RNGTT: variants seen among roughly 807,000 people sequenced by gnomAD.
RNGTT encodes RNA guanylyltransferase and 5'-phosphatase, also known as mRNA-capping enzyme.
A neutral mutation model predicts 79.3 loss-of-function variants in RNGTT; 33 were observed. The ratio of observed to expected loss-of-function variants is 0.42; its 90% CI spans 0.32 to 0.56. The LOEUF is 0.56. RNGTT is among the 20% of genes least tolerant of loss of function. The pLI, the probability that RNGTT is intolerant of heterozygous loss-of-function variation, is 0.17. For missense variants in RNGTT, 497 were observed against 739.1 expected (o/e 0.67, Z 3.80); for synonymous variants, 222 against 235.9 (o/e 0.94, Z 0.54).
intron 2 of RNGTT, among the ~76,000 whole-genome samples, chr6:88,931,192 A>G (rs538663880): frequency 1.7e-3 from 253 of 150,282 alleles, no homozygotes; most frequent in African/African-American, 6.0e-3. Context: ...AGCTGTAAAA[A>G]AAAAAAAAAA....
At chr6:88,726,982 T>A (rs1286125741) in intron 13 of RNGTT, among the ~76,000 whole-genome samples, 2 of 144,570 alleles carry the variant, frequency 1.4e-5, no homozygotes, top group Non-Finnish European at 3.0e-5. Context: ...ATGATTATCA[T>A]CTCTGGGGAA....
At position 88,843,707 on chromosome 6, in the gene RNGTT, C is replaced by T. The variant is rs904475070; in HGVS notation, c.1269+650G>A. On this transcript the variant is annotated intron_variant, in intron 11 of 15. Transcript: ENST00000369485. The stretch of plus-strand genomic sequence containing the variant: ...CCGAGTAGCTGGGACTATAGACATG[C>T]GCCGCCACACCCGGCTAATTTTTGT... Among the ~76,000 whole-genome samples the T allele has an allele frequency of 6.1e-4, 92 of 150,802 alleles. 1 individual carries two copies. The highest frequency in any genetic ancestry group is 4.4e-3 in the South Asian group (21 of 4,772).
chr6:88,939,206 GTTC>G (rs1471873288), intron 2 of RNGTT, among the ~76,000 whole-genome samples: 1 of 152,062 alleles, frequency 6.6e-6, no homozygotes, highest in Non-Finnish European at 1.5e-5. Context: ...TAACCCTTTT[GTTC>G]TCTCTTCATC....
chr6:88,674,761 C>T (rs911118228), intron 14 of RNGTT, among the ~76,000 whole-genome samples: 1 of 151,580 alleles, frequency 6.6e-6, no homozygotes, highest in Non-Finnish European at 1.5e-5. Context: ...AAAAAAAAAT[C>T]AGAAAACTAT....
chr6:88,797,791 A>G (rs2180193), intron 12 of RNGTT, among the ~76,000 whole-genome samples: 19,497 of 151,984 alleles, frequency 0.13, 1,433 homozygotes, highest in Middle Eastern at 0.23. Context: ...ATTACAATAG[A>G]ATGACAGAAG....
chr6:88,878,905 G>A (rs559836324), intron 8 of RNGTT, among the ~76,000 whole-genome samples: 80 of 152,254 alleles, frequency 5.3e-4, no homozygotes, highest in Non-Finnish European at 9.0e-4. Context: ...AGAGACATCT[G>A]AAACCTCTTT....
At chr6:88,644,703 C>A (rs1773469423) in intron 14 of RNGTT, among the ~76,000 whole-genome samples, 1 of 152,142 alleles carries the variant, frequency 6.6e-6, no homozygotes, top group Non-Finnish European at 1.5e-5. Flanking sequence ...TCAACATACG[C>A]TAATCAATAA....
At chr6:88,753,514 A>C (rs1777907472) in intron 13 of RNGTT, among the ~76,000 whole-genome samples, 1 of 152,050 alleles carries the variant, frequency 6.6e-6, no homozygotes. Flanking sequence ...CAAAAAAAAA[A>C]AAAATTATAT....
At chr6:88,877,351 T>C (rs1782549452) in intron 8 of RNGTT, among the ~76,000 whole-genome samples, 1 of 152,190 alleles carries the variant, frequency 6.6e-6, no homozygotes, top group Non-Finnish European at 1.5e-5. Flanking sequence ...CTACTTTGAA[T>C]TGGGTCACTG....
intron 13 of RNGTT, among the ~76,000 whole-genome samples, chr6:88,703,404 T>C (rs80156743): frequency 0.023 from 3,549 of 152,262 alleles, 156 homozygotes; most frequent in African/African-American, 0.079. Context: ...TGTAGCAATA[T>C]GGATATAGCT....
At chr6:88,954,429 G>A (rs770624212) in intron 1 of RNGTT, among the ~76,000 whole-genome samples, 1 of 152,014 alleles carries the variant, frequency 6.6e-6, no homozygotes, top group Non-Finnish European at 1.5e-5. Context: ...CGTCCAACAG[G>A]AAAATATCAC....
chr6:88,852,418 A>G (rs1282859356), intron 9 of RNGTT, among the ~76,000 whole-genome samples: 1 of 152,142 alleles, frequency 6.6e-6, no homozygotes, highest in African/African-American at 2.4e-5. Context: ...AACAAAAACT[A>G]AAATGTTCCT....
At chr6:88,940,153 C>T (rs1784802527) in intron 2 of RNGTT, among the ~76,000 whole-genome samples, 1 of 151,394 alleles carries the variant, frequency 6.6e-6, no homozygotes, top group African/African-American at 2.4e-5. Flanking sequence ...TCTTGGCTCA[C>T]TGCAACCTCC....
intron 11 of RNGTT, among the ~76,000 whole-genome samples, chr6:88,815,971 T>C (rs965900404): frequency 6.6e-6 from 1 of 152,190 alleles, no homozygotes; most frequent in Non-Finnish European, 1.5e-5. Flanking sequence ...ATTCTTTGTA[T>C]CAATTTTAAG....
chr6:88,788,900 A>G (rs1397475037), intron 12 of RNGTT, among the ~76,000 whole-genome samples: 1 of 152,210 alleles, frequency 6.6e-6, no homozygotes, highest in Non-Finnish European at 1.5e-5. Context: ...TATTTCCTTG[A>G]TTAAACCACT....
At chr6:88,643,710 G>C (rs981652529) in intron 14 of RNGTT, among the ~76,000 whole-genome samples, 2 of 152,128 alleles carry the variant, frequency 1.3e-5, no homozygotes, top group Non-Finnish European at 2.9e-5. Flanking sequence ...ACTCAAAACT[G>C]CTCAACTACA....
intron 14 of RNGTT, among the ~76,000 whole-genome samples, chr6:88,616,995 G>A (rs916203714): frequency 4.6e-5 from 7 of 152,232 alleles, no homozygotes; most frequent in East Asian, 3.9e-4. Context: ...TGTCCTGGCC[G>A]GGCACAGTGG....
At chr6:88,692,548 T>C (rs1256957017) in intron 13 of RNGTT, among the ~76,000 whole-genome samples, 1 of 151,962 alleles carries the variant, frequency 6.6e-6, no homozygotes, top group Non-Finnish European at 1.5e-5. Flanking sequence ...ACATATTGTA[T>C]GTTTCCACTG....
At chr6:88,954,947 A>G (rs979531513) in intron 1 of RNGTT, among the ~76,000 whole-genome samples, 4 of 152,040 alleles carry the variant, frequency 2.6e-5, no homozygotes, top group Admixed American at 6.6e-5. Context: ...AATCCCAGCT[A>G]CTAGGGAGGC....
Sources: allele counts gnomAD v4.1 joint callset (sites outside exome capture counted in the v4.1 genomes callset), GRCh38; gene constraint gnomAD v4.1.1; transcripts MANE v1.5; gene names NCBI Gene and HGNC (gene_info 2026-07-23, HGNC 2026-07-21).